The following DPYSL2 variants were observed in gnomAD, a reference collection of about 807,000 sequenced individuals.
DPYSL2 encodes dihydropyrimidinase-related protein 2.
A neutral mutation model predicts 69.9 loss-of-function variants in DPYSL2; 13 were observed. The ratio of observed to expected loss-of-function variants is 0.19; its 90% CI spans 0.12 to 0.30. The LOEUF is 0.30. DPYSL2 is among the 10% of genes least tolerant of loss of function. The pLI, the probability that DPYSL2 is intolerant of heterozygous loss-of-function variation, is 1.00. For missense variants in DPYSL2, 587 were observed against 918.9 expected (o/e 0.64, Z 4.67); for synonymous variants, 326 against 359.1 (o/e 0.91, Z 1.04).
chr8:26,529,049 T>C (rs1189070320), intron 1 of DPYSL2, among the ~76,000 whole-genome samples: 2 of 151,796 alleles, frequency 1.3e-5, no homozygotes, highest in Non-Finnish European at 2.9e-5. Context: ...TGCAGGAGAG[T>C]CATTTTACTA....
rs958750895 is a variant in DPYSL2 at position 26,646,141 on chromosome 8, C to T, written c.1426-1489C>T. Among the ~76,000 whole-genome samples the T allele has an allele frequency of 4.6e-5, 7 of 152,136 alleles. No individual in the cohort carries two copies. The East Asian group carries it at 1.2e-3, about 25-fold the overall frequency. On this transcript the variant is annotated intron_variant, in intron 10 of 13. Coordinates refer to ENST00000521913, the MANE Select transcript of DPYSL2 (RefSeq NM_001197293.3). ...TCAGCCTCCCAAAGTGCTGGGATTACAGGTGTGAGCCACCACGCCCAGCCA... is the reference window on the plus strand; with the variant it reads ...TCAGCCTCCCAAAGTGCTGGGATTATAGGTGTGAGCCACCACGCCCAGCCA...
chr8:26,579,990 A>G (rs1314025098), intron 1 of DPYSL2, among the ~76,000 whole-genome samples: 1 of 135,852 alleles, frequency 7.4e-6, no homozygotes, highest in Non-Finnish European at 1.5e-5. Flanking sequence ...ATCTGGTTGC[A>G]TTATCATAGG....
rs373758650 is a variant in DPYSL2 at position 26,605,181 on chromosome 8, C to T, written c.629-18962C>T. Among the ~76,000 whole-genome samples the T allele has an allele frequency of 2.0e-5, 3 of 152,162 alleles. No individual in the cohort carries two copies. In the East Asian group the frequency reaches 5.8e-4, roughly 29 times the overall value. ...CCATCAAGTACCTCAATATATTGCT[C>T]CCTGATGAGGGAGGGGCCAGAATAC... On this transcript the variant is annotated intron_variant, in intron 3 of 13. Transcript: ENST00000521913. The surrounding 1 kb of genome is among the most constrained non-coding windows in gnomAD (Gnocchi z 4.1).
chr8:26,525,682 A>T (rs1808464089), intron 1 of DPYSL2, among the ~76,000 whole-genome samples: 1 of 152,186 alleles, frequency 6.6e-6, no homozygotes. Flanking sequence ...AACCTCTTAT[A>T]TACACCAGGA....
At position 26,567,179 on chromosome 8, in the gene DPYSL2, T is replaced by C. The variant is rs200209850; in HGVS notation, c.355-14790T>C. Among the ~76,000 whole-genome samples, 46 of 131,326 alleles carry C rather than the reference T, an allele frequency of 3.5e-4. No individual in the cohort carries two copies. In the East Asian group the frequency reaches 0.011, roughly 32 times the overall value. The allele number at this position is 131,326 out of a possible 152,430, so 86.2% of individuals were successfully genotyped here. A position where few individuals can be genotyped will look rare whatever the true frequency, so the allele number is the denominator to read the frequency against. Reference sequence around the variant, plus strand: ...GCCCATCCATCCATCCATCCATCCATCCACCCATCCATCCACACATCATCT... The same window carrying C: ...GCCCATCCATCCATCCATCCATCCACCCACCCATCCATCCACACATCATCT... On this transcript the variant is annotated intron_variant, in intron 1 of 13. Coordinates refer to ENST00000521913, the MANE Select transcript of DPYSL2 (RefSeq NM_001197293.3).
chr8:26,547,017 A>G (rs1319742311), intron 1 of DPYSL2, among the ~76,000 whole-genome samples: 1 of 151,260 alleles, frequency 6.6e-6, no homozygotes, highest in Non-Finnish European at 1.5e-5. Flanking sequence ...TTGAGGTCAC[A>G]AGGCAAGACA....
Position 26,627,011 on chromosome 8 carries a change from G to T in DPYSL2, c.856-204G>T, listed in dbSNP as rs550303969. Among the ~76,000 whole-genome samples the T allele has an allele frequency of 1.3e-5, 2 of 152,304 alleles. No individual in the cohort carries two copies. Among genetic ancestry groups the T allele is most frequent in the East Asian group, 3.9e-4 (2 of 5,180 alleles). On this transcript the variant is annotated intron_variant, in intron 5 of 13. Transcript: ENST00000521913. The surrounding 1 kb of genome is among the most constrained non-coding windows in gnomAD (Gnocchi z 6.9). ...GGTCCACGTCCTGCTAAGTTGTACTGCCTCTGTTAATTTCTGAGGGGTCTT... is the reference window on the plus strand; with the variant it reads ...GGTCCACGTCCTGCTAAGTTGTACTTCCTCTGTTAATTTCTGAGGGGTCTT...
At chr8:26,599,741 A>G (rs78451229) in intron 3 of DPYSL2, among the ~76,000 whole-genome samples, 3,693 of 152,130 alleles carry the variant, frequency 0.024, 69 homozygotes, top group South Asian at 0.038. Flanking sequence ...ATAAAAATAA[A>G]AAATCTTAAA....
chr8:26,559,200 C>G (rs1489891507), intron 1 of DPYSL2, among the ~76,000 whole-genome samples: 1 of 152,174 alleles, frequency 6.6e-6, no homozygotes, highest in Admixed American at 6.5e-5. Flanking sequence ...GCCTCCGCCT[C>G]CCAAAGTGCT....
In DPYSL2 at chr8:26,562,884, C is replaced by T. The variant is rs539678290; in HGVS notation, c.355-19085C>T. 7.2e-5 allele frequency among the ~76,000 whole-genome samples: 11 copies of T among 152,252 alleles called. No individual in the cohort carries two copies. The highest frequency in any genetic ancestry group is 1.0e-4 in the Non-Finnish European group (7 of 68,020). On this transcript the variant is annotated intron_variant, in intron 1 of 13. Transcript: ENST00000521913. This position sits in a 1 kb window ranked among gnomAD's most constrained non-coding sequence, Gnocchi z 4.9. ...TCCTCCAGAATCTTTCTCACTCATA[C>T]GTCTGTCACCTTGGCACCATGGCAG...
Position 26,609,606 on chromosome 8 carries a change from A to T in DPYSL2, c.629-14537A>T, listed in dbSNP as rs1448074814. 6.6e-6 allele frequency among the ~76,000 whole-genome samples: 1 copy of T among 152,174 alleles called. No homozygotes were observed. Among genetic ancestry groups the T allele is most frequent in the Non-Finnish European group, 1.5e-5 (1 of 68,026 alleles). ...CCCAGGCAACCAAAAGCTGAGACAA[A>T]CAGAGGAAGTGTCGTTATTCACATG... On this transcript the variant is annotated intron_variant, in intron 3 of 13. Transcript: ENST00000521913. The surrounding 1 kb of genome is among the most constrained non-coding windows in gnomAD (Gnocchi z 6.5).
Position 26,626,017 on chromosome 8 carries a change from C to A in DPYSL2, c.794-600C>A, listed in dbSNP as rs1585556127. 6.6e-6 allele frequency among the ~76,000 whole-genome samples: 1 copy of A among 152,216 alleles called. No individual in the cohort carries two copies. Among genetic ancestry groups the A allele is most frequent in the South Asian group, 2.1e-4 (1 of 4,834 alleles). On this transcript the variant is annotated intron_variant, in intron 4 of 13. Transcript: ENST00000521913. The surrounding 1 kb of genome is among the most constrained non-coding windows in gnomAD (Gnocchi z 4.3). The stretch of plus-strand genomic sequence containing the variant: ...CACTGTCCTTCACCCCAGTCCCTGG[C>A]AACTGCTGTTGTACTTTCTGTCTGT...
chr8:26,574,007 C>T (rs1431466034), intron 1 of DPYSL2, among the ~76,000 whole-genome samples: 5 of 151,882 alleles, frequency 3.3e-5, no homozygotes, highest in African/African-American at 1.2e-4. Flanking sequence ...CTGCCAGAGA[C>T]AAGGCAGTGT....
intron 7 of DPYSL2, among the ~76,000 whole-genome samples, chr8:26,629,606 G>T (rs535708441): frequency 2.0e-5 from 3 of 152,356 alleles, no homozygotes; most frequent in Admixed American, 2.0e-4. Flanking sequence ...GAGGATGAGG[G>T]AGGCAGGCAA....
rs527430525 is a variant in DPYSL2 at position 26,523,165 on chromosome 8, A to T, written c.354+8486A>T. ...TACAGACATACATGTATATATATAT[A>T]TATATTTTTAAATAATATTTAAAAT... On this transcript the variant is annotated intron_variant, in intron 1 of 13. Coordinates refer to ENST00000521913, the MANE Select transcript of DPYSL2 (RefSeq NM_001197293.3). 4.8e-3 allele frequency among the ~76,000 whole-genome samples: 722 copies of T among 150,754 alleles called. 7 individuals are homozygous for T. Among genetic ancestry groups the T allele is most frequent in the South Asian group, 0.021 (101 of 4,798 alleles).
intron 4 of DPYSL2, among the ~76,000 whole-genome samples, chr8:26,625,819 G>T (rs914645487): frequency 4.6e-5 from 7 of 152,122 alleles, no homozygotes; most frequent in Non-Finnish European, 8.8e-5. Context: ...ATTAACTGTG[G>T]TAAAATAAAT....
In DPYSL2 at chr8:26,580,808, T is replaced by C. The variant is rs1801474781; in HGVS notation, c.355-1161T>C. Among the ~76,000 whole-genome samples, 1 of 152,228 alleles carries C rather than the reference T, an allele frequency of 6.6e-6. No homozygotes were observed. The highest frequency in any genetic ancestry group is 2.4e-5 in the African/African-American group (1 of 41,456). On this transcript the variant is annotated intron_variant, in intron 1 of 13. Coordinates refer to ENST00000521913, the MANE Select transcript of DPYSL2 (RefSeq NM_001197293.3). The surrounding 1 kb of genome is among the most constrained non-coding windows in gnomAD (Gnocchi z 4.1). ...TTAAAAGGGCAATGTATGGTTCAGCTTGCCAGGTTTAAGCCCATTCTGTAT... is the reference window on the plus strand; with the variant it reads ...TTAAAAGGGCAATGTATGGTTCAGCCTGCCAGGTTTAAGCCCATTCTGTAT...
At chr8:26,558,131 A>T (rs899755150) in intron 1 of DPYSL2, among the ~76,000 whole-genome samples, 1 of 152,146 alleles carries the variant, frequency 6.6e-6, no homozygotes, top group African/African-American at 2.4e-5. Context: ...TCTAACAAAA[A>T]TCTCTACAGA....
At chr8:26,576,268 C>G (rs1258306265) in intron 1 of DPYSL2, among the ~76,000 whole-genome samples, 1 of 152,090 alleles carries the variant, frequency 6.6e-6, no homozygotes, top group African/African-American at 2.4e-5. Context: ...TGGTGAAGGG[C>G]AGAAAGATTG....
Sources: allele counts gnomAD v4.1 joint callset (sites outside exome capture counted in the v4.1 genomes callset), GRCh38; gene constraint gnomAD v4.1.1; non-coding constraint Gnocchi (gnomAD v3.1); transcripts MANE v1.5; gene names NCBI Gene and HGNC (gene_info 2026-07-23, HGNC 2026-07-21).